Variants in OGDH observed in about 807,000 individuals in gnomAD.
OGDH encodes 2-oxoglutarate dehydrogenase complex component E1.
In OGDH, 38 loss-of-function variants were observed where a neutral mutation model predicts 116.6. The observed-to-expected ratio is 0.33, with a 90% CI of 0.25 to 0.43. The LOEUF (loss-of-function observed/expected upper bound fraction) is 0.43. Ranked by LOEUF, OGDH falls within the 20% of genes least tolerant of loss-of-function variation. OGDH has a pLI of 1.00. For missense variants in OGDH, 825 were observed against 1,357.2 expected (o/e 0.61, Z 6.16); for synonymous variants, 488 against 533.3 (o/e 0.92, Z 1.17).
intron 2 of OGDH, among the ~76,000 whole-genome samples, chr7:44,643,828 T>C (rs1406495650): frequency 6.6e-6 from 1 of 152,176 alleles, no homozygotes; most frequent in African/African-American, 2.4e-5. Flanking sequence ...TTCAAGACAG[T>C]CTTATCAGAG....
chr7:44,655,069 A>T (rs2115907797), intron 4 of OGDH, among the ~76,000 whole-genome samples: 2 of 152,380 alleles, frequency 1.3e-5, no homozygotes, highest in East Asian at 3.9e-4. Context: ...GAGCATTCAC[A>T]TACTCAGTAC....
chr7:44,688,307 AT>A (rs1788219555), intron 10 of OGDH, among the ~76,000 whole-genome samples: 1 of 151,618 alleles, frequency 6.6e-6, no homozygotes, highest in South Asian at 2.1e-4. Flanking sequence ...GGAGGCGGAG[AT>A]TGCGGTGAGC....
intron 1 of OGDH, among the ~76,000 whole-genome samples, 167 bp downstream of exon 1, chr7:44,606,820 T>G (rs1293389432): frequency 6.6e-6 from 1 of 151,484 alleles, no homozygotes; most frequent in Non-Finnish European, 1.5e-5. Flanking sequence ...CGGAGGGTGG[T>G]AGGAGGGACG....
intron 4 of OGDH, among the ~76,000 whole-genome samples, chr7:44,661,662 G>T (rs1316525155): frequency 6.6e-6 from 1 of 151,958 alleles, no homozygotes; most frequent in African/African-American, 2.4e-5. Flanking sequence ...TGGTGCAGGG[G>T]CGTGATCTTG....
At chr7:44,662,865 A>AT (rs1318683878) in intron 4 of OGDH, among the ~76,000 whole-genome samples, 1 of 151,438 alleles carries the variant, frequency 6.6e-6, no homozygotes, top group Non-Finnish European at 1.5e-5. Context: ...TGCTTTTAAG[A>AT]TTTTTTCTTT....
Position 44,676,030 on chromosome 7 carries a change from G to C in OGDH, c.1087G>C (p.Asp363His). The C allele has an allele frequency of 1.2e-6, 2 of 1,614,084 alleles. No individual in the cohort carries two copies. The highest frequency in any genetic ancestry group is 2.2e-5 in the South Asian group (2 of 91,076). Residue 363 changes from aspartate (D) to histidine (H), a missense_variant, in exon 9 of 23, where the codon GAC becomes CAC. By Grantham distance (81) the Asp-to-His change is moderately conservative. This residue lies in a region of OGDH where 146 missense variants were observed against 317.3 expected (regional missense o/e 0.46). Coordinates refer to ENST00000222673, the MANE Select transcript of OGDH (RefSeq NM_002541.4). The stretch of plus-strand genomic sequence containing the variant: ...TCACCGCAGGATCAATCGTGTCACC[G>C]ACAGGAACATTACCTTGTCCTTGGT... ...MYHRRINRVT[D>H]RNITLSLVAN...
rs191986427 is a variant in OGDH, at chr7:44,624,508, G to A, written c.165G>A (p.Ser55=). The A allele has an allele frequency of 4.3e-6, 7 of 1,613,854 alleles. No individual in the cohort carries two copies. The African/African-American group carries it at 5.3e-5, about 12-fold the overall frequency. Residue 55 remains serine (S), a synonymous_variant, in exon 2 of 23, where the codon TCG becomes TCA. Transcript: ENST00000222673. ...AGCCCTTTCTCAGTGGGACTAGTTCGAACTATGTGGAGGAGATGTACTGTG... is the reference window on the plus strand; with the variant it reads ...AGCCCTTTCTCAGTGGGACTAGTTCAAACTATGTGGAGGAGATGTACTGTG... ...AAEPFLSGTS[S]NYVEEMYCAW...
chr7:44,636,512 T>C (rs539160231), intron 2 of OGDH, among the ~76,000 whole-genome samples: 2 of 152,332 alleles, frequency 1.3e-5, no homozygotes, highest in South Asian at 4.1e-4. Context: ...TCTCCCAGGG[T>C]GGAACCCCAT....
chr7:44,661,622 C>T (rs555216542), intron 4 of OGDH, among the ~76,000 whole-genome samples: 10 of 151,156 alleles, frequency 6.6e-5, no homozygotes, highest in Non-Finnish European at 8.8e-5. Flanking sequence ...TTTTTTGAGA[C>T]GGAGTTTCGC....
intron 2 of OGDH, among the ~76,000 whole-genome samples, chr7:44,627,951 A>T (rs1194104192): frequency 2.0e-5 from 3 of 152,218 alleles, no homozygotes; most frequent in African/African-American, 7.2e-5. Context: ...TGCTGGGATT[A>T]CAGGCGTGAG....
intron 5 of OGDH, among the ~76,000 whole-genome samples, chr7:44,673,446 C>G (rs1787557603): frequency 6.6e-6 from 1 of 152,258 alleles, no homozygotes; most frequent in African/African-American, 2.4e-5. Flanking sequence ...AGCCTGTCTT[C>G]CCTGGGGAAG....
chr7:44,665,285 T>TGA (rs1787134897), intron 4 of OGDH, among the ~76,000 whole-genome samples: 1 of 91,982 alleles, frequency 1.1e-5, no homozygotes, highest in African/African-American at 3.8e-5. Flanking sequence ...CCCTCCAGGT[T>TGA]AAAAAAAAAA....
Position 44,642,158 on chromosome 7 carries a change from A to T in OGDH, c.223-3169A>T, listed in dbSNP as rs113221283. The stretch of plus-strand genomic sequence containing the variant: ...TAGGCCCAGATGGTGGCTCATGCCT[A>T]TAATCCTTGCACTTTGGGAGGCTGA... On this transcript the variant is annotated intron_variant, in intron 2 of 22. Coordinates refer to ENST00000222673, the MANE Select transcript of OGDH (RefSeq NM_002541.4). Among the ~76,000 whole-genome samples, 1,087 of 152,290 alleles carry T rather than the reference A, an allele frequency of 7.1e-3. 10 individuals carry two copies. Among genetic ancestry groups the T allele is most frequent in the African/African-American group, 0.025 (1,025 of 41,558 alleles).
chr7:44,647,665 G>T lies in OGDH; in HGVS notation c.423G>T (p.Gly141=), dbSNP rs751303445. 1 of 1,613,606 alleles carries T rather than the reference G, an allele frequency of 6.2e-7. No individual in the cohort carries two copies. Among genetic ancestry groups the T allele is most frequent in the Non-Finnish European group, 8.5e-7 (1 of 1,179,710 alleles). The change falls in exon 4 of 23, where the codon GGG becomes GGT. Residue 141 remains glycine (G), a synonymous_variant. Coordinates refer to ENST00000222673, the MANE Select transcript of OGDH (RefSeq NM_002541.4). ...TCGTTGGCCACTCATAGATACGAGG[G>T]CACCATGTAGCACAGCTGGACCCCC... ...QSLIRAYQIR[G]HHVAQLDPLG... is the part of the protein sequence containing the mutation.
At position 44,675,171 on chromosome 7, in the gene OGDH, G is replaced by A. The variant is rs116644435; in HGVS notation, c.936-7G>A. 781 of 1,613,516 alleles carry A rather than the reference G, an allele frequency of 4.8e-4. 5 individuals carry two copies. The African/African-American group carries it at 6.0e-3, about 12-fold the overall frequency. ...CTCTGCTCACCCTACTCGCCCATAC[G>A]TTCCAGAGGGCGGCTGAACGTGCTT... On this transcript the variant is annotated splice_region_variant and splice_polypyrimidine_tract_variant and intron_variant, in intron 7 of 22. Transcript: ENST00000222673.
intron 19 of OGDH, among the ~76,000 whole-genome samples, chr7:44,701,301 G>A (rs1464683280): frequency 1.3e-5 from 2 of 152,148 alleles, no homozygotes; most frequent in Non-Finnish European, 2.9e-5. Context: ...TTGGGAGTCC[G>A]AGCAGGCTGG....
chr7:44,662,697 A>G lies in OGDH; in HGVS notation c.518-4039A>G, dbSNP rs144791587. On this transcript the variant is annotated intron_variant, in intron 4 of 22. Transcript: ENST00000222673. Reference sequence around the variant, plus strand: ...AGGCCGGTCTCGAACTCCTGACCTCATGATCTGCCCCACCTCGGCCTCCCA... The same window carrying G: ...AGGCCGGTCTCGAACTCCTGACCTCGTGATCTGCCCCACCTCGGCCTCCCA... Among the ~76,000 whole-genome samples the G allele has an allele frequency of 9.6e-3, 1,467 of 152,116 alleles. 25 individuals are homozygous for G. Among genetic ancestry groups the G allele is most frequent in the African/African-American group, 0.033 (1,372 of 41,492 alleles).
At position 44,656,311 on chromosome 7, in the gene OGDH, C is replaced by G. The variant is rs1786688548; in HGVS notation, c.517+8552C>G. 3 of 1,535,912 alleles carry G rather than the reference C, an allele frequency of 2.0e-6. No homozygotes were observed. The South Asian group carries it at 3.6e-5, about 18-fold the overall frequency. ...GCTCACCCATGATACCCCACTCTGC[C>G]TCTCAGATCTTGCAGTTTTCAAGGA... On this transcript the variant is annotated intron_variant, in intron 4 of 22. Transcript: ENST00000222673.
chr7:44,698,056 AG>A, intron 17 of OGDH, 135 bp from the exon 18 acceptor site: 2 of 1,002,646 alleles, frequency 2.0e-6, no homozygotes, highest in Non-Finnish European at 1.5e-6. Flanking sequence ...TGCTGGTGGG[AG>A]GGGGAAGGAA....
Sources: allele counts gnomAD v4.1 joint callset (sites outside exome capture counted in the v4.1 genomes callset), GRCh38; gene constraint gnomAD v4.1.1; regional missense constraint gnomAD v4.1.1; transcripts MANE v1.5; gene names NCBI Gene and HGNC (gene_info 2026-07-23, HGNC 2026-07-21).